The following SGCZ variants were observed in gnomAD, a reference collection of about 807,000 sequenced individuals.
The protein encoded by SGCZ is sarcoglycan zeta, also known as zeta-sarcoglycan.
SGCZ carries 40 observed loss-of-function variants against 41.3 expected under a neutral mutation model. The ratio of observed to expected loss-of-function variants is 0.97; its 90% CI spans 0.75 to 1.26. The LOEUF (loss-of-function observed/expected upper bound fraction) is 1.26. Among genes scored for constraint, SGCZ ranks in the 50% most tolerant of loss-of-function variants. The pLI is 0.00. For missense variants in SGCZ, 552 were observed against 369.8 expected, an observed-to-expected ratio of 1.49 and a Z score of -4.04; for synonymous variants, 206 against 137.5, an observed-to-expected ratio of 1.50 and a Z score of -3.49.
intron 1 of SGCZ, among the ~76,000 whole-genome samples, chr8:14,676,205 A>T (rs993028260): frequency 1.2e-4 from 18 of 152,210 alleles, no homozygotes; most frequent in Admixed American, 3.3e-4. Flanking sequence ...ACTCAAAAGT[A>T]TCATCCCTGC....
intron 2 of SGCZ, among the ~76,000 whole-genome samples, chr8:14,426,919 ATTG>A (rs900144154): frequency 1.2e-4 from 18 of 152,152 alleles, no homozygotes; most frequent in Non-Finnish European, 2.4e-4. Context: ...TCATTTCAAA[ATTG>A]TTATTATTTA....
chr8:14,099,013 C>T (rs1801929507), intron 7 of SGCZ, among the ~76,000 whole-genome samples: 1 of 152,248 alleles, frequency 6.6e-6, no homozygotes, highest in South Asian at 2.1e-4. Flanking sequence ...CAAACCATAG[C>T]TCCACCCATA....
At chr8:15,202,098 G>A (rs910003777) in intron 1 of SGCZ, among the ~76,000 whole-genome samples, 2 of 152,112 alleles carry the variant, frequency 1.3e-5, no homozygotes, top group African/African-American at 4.8e-5. Context: ...ATATTAAAAT[G>A]TGATGAAAGC....
intron 1 of SGCZ, among the ~76,000 whole-genome samples, chr8:15,056,737 C>T (rs910440465): frequency 5.3e-5 from 8 of 152,124 alleles, no homozygotes; most frequent in African/African-American, 1.9e-4. Context: ...GCTAAGACGT[C>T]AATATTCATA....
chr8:14,651,679 T>C (rs1216278386), intron 1 of SGCZ, among the ~76,000 whole-genome samples: 2 of 152,100 alleles, frequency 1.3e-5, no homozygotes, highest in Non-Finnish European at 2.9e-5. Context: ...ATTTTCTTAT[T>C]CTCTTCTTGA....
At chr8:15,187,494 A>T (rs1182860828) in intron 1 of SGCZ, among the ~76,000 whole-genome samples, 1 of 152,056 alleles carries the variant, frequency 6.6e-6, no homozygotes, top group Non-Finnish European at 1.5e-5. Flanking sequence ...TGATTTTAGG[A>T]TATCTCATTT....
chr8:14,489,518 T>C (rs1025924803), intron 2 of SGCZ, among the ~76,000 whole-genome samples: 1 of 152,020 alleles, frequency 6.6e-6, no homozygotes, highest in Non-Finnish European at 1.5e-5. Flanking sequence ...TGGATGTAAA[T>C]GGCAGTAAAG....
intron 1 of SGCZ, among the ~76,000 whole-genome samples, chr8:14,961,456 G>C (rs1035892393): frequency 4.6e-5 from 7 of 151,974 alleles, no homozygotes; most frequent in African/African-American, 1.7e-4. Flanking sequence ...AGCTACCGTG[G>C]TACCATACAA....
intron 2 of SGCZ, among the ~76,000 whole-genome samples, chr8:14,460,460 G>A (rs1460162302): frequency 6.6e-6 from 1 of 152,102 alleles, no homozygotes; most frequent in Admixed American, 6.6e-5. Flanking sequence ...GGGTGTCAGT[G>A]CTCACTTGCA....
At chr8:14,117,053 G>C (rs111968314) in intron 5 of SGCZ, among the ~76,000 whole-genome samples, 1 of 152,032 alleles carries the variant, frequency 6.6e-6, no homozygotes, top group Non-Finnish European at 1.5e-5. Flanking sequence ...GTGTTTTAAA[G>C]GTTGCCATAA....
At chr8:14,617,523 C>T (rs187413395) in intron 1 of SGCZ, among the ~76,000 whole-genome samples, 15 of 152,112 alleles carry the variant, frequency 9.9e-5, no homozygotes, top group Non-Finnish European at 1.6e-4. Context: ...TTTATAATGC[C>T]GTCTTCAGAA....
intron 1 of SGCZ, among the ~76,000 whole-genome samples, chr8:14,615,196 C>T (rs1337473766): frequency 1.3e-5 from 2 of 152,180 alleles, no homozygotes; most frequent in Non-Finnish European, 2.9e-5. Flanking sequence ...AGGCCCTTAA[C>T]CTGTTGACTC....
chr8:14,195,560 C>A (rs1479220645), intron 4 of SGCZ, among the ~76,000 whole-genome samples: 4 of 152,028 alleles, frequency 2.6e-5, no homozygotes, highest in African/African-American at 9.7e-5. Flanking sequence ...CTCAACAAAT[C>A]CTCAGCACAA....
chr8:15,037,978 G>A (rs999615312), intron 1 of SGCZ, among the ~76,000 whole-genome samples: 2 of 151,938 alleles, frequency 1.3e-5, no homozygotes, highest in Non-Finnish European at 2.9e-5. Flanking sequence ...ACATATAAAA[G>A]ATTCATGTTC....
At chr8:14,693,150 C>T (rs1808852610) in intron 1 of SGCZ, among the ~76,000 whole-genome samples, 1 of 152,070 alleles carries the variant, frequency 6.6e-6, no homozygotes, top group East Asian at 1.9e-4. Flanking sequence ...ATCTATATTA[C>T]ATTTGTGCAT....
At chr8:14,567,360 A>C (rs1316596239) in intron 1 of SGCZ, among the ~76,000 whole-genome samples, 1 of 152,102 alleles carries the variant, frequency 6.6e-6, no homozygotes, top group Non-Finnish European at 1.5e-5. Context: ...GAATGCACCA[A>C]TCGGCACTCT....
chr8:14,719,824 A>G (rs1318128068), intron 1 of SGCZ, among the ~76,000 whole-genome samples: 1 of 151,840 alleles, frequency 6.6e-6, no homozygotes, highest in Non-Finnish European at 1.5e-5. Context: ...CTCTGATGGT[A>G]GTTTCTTTTG....
At chr8:14,517,582 G>A (rs1802660443) in intron 2 of SGCZ, among the ~76,000 whole-genome samples, 1 of 151,972 alleles carries the variant, frequency 6.6e-6, no homozygotes, top group Non-Finnish European at 1.5e-5. Context: ...GATAAATTAA[G>A]AAGCTTTATA....
intron 1 of SGCZ, among the ~76,000 whole-genome samples, chr8:15,110,913 A>G (rs1440565835): frequency 6.6e-6 from 1 of 152,164 alleles, no homozygotes; most frequent in Non-Finnish European, 1.5e-5. Context: ...GGTTGCAGTG[A>G]GCTGAGGTCG....
Sources: allele counts gnomAD v4.1 joint callset (sites outside exome capture counted in the v4.1 genomes callset), GRCh38; gene constraint gnomAD v4.1.1; transcripts MANE v1.5; gene names NCBI Gene and HGNC (gene_info 2026-07-23, HGNC 2026-07-21).